SVBP: variants seen among roughly 807,000 people sequenced by gnomAD.
SVBP encodes small vasohibin binding protein.
SVBP carries 9 observed loss-of-function variants against 9.2 expected under a neutral mutation model. The observed-to-expected ratio is 0.98, with a 90% CI of 0.59 to 1.71. The LOEUF (loss-of-function observed/expected upper bound fraction) is 1.71, where lower values mean the gene tolerates loss of function less well. SVBP is among the 40% of genes most tolerant of loss of function. The pLI is 0.00. For missense variants in SVBP, 63 were observed against 73.2 expected (o/e 0.86, Z 0.51); for synonymous variants, 27 against 23.9 (o/e 1.13, Z -0.37).
intron 2 of SVBP, among the ~76,000 whole-genome samples, chr1:42,810,580 C>T (rs1212929674): frequency 2.6e-5 from 4 of 152,144 alleles, no homozygotes; most frequent in Non-Finnish European, 4.4e-5. Flanking sequence ...ACCTCCAGAT[C>T]AAGGAGGCAA....
At position 42,817,156 on chromosome 1, in the gene SVBP, G is replaced by A. The variant is rs1023314113; in HGVS notation, c.-37+34C>T. On this transcript the variant is annotated intron_variant, in intron 1 of 2. Transcript: ENST00000372521. Reference sequence around the variant, plus strand: ...CTCCTGGAGGAAAATGGCGGTCGCTGGAGCCGCCGACCAAGAGGCTTGGGA... The same window carrying A: ...CTCCTGGAGGAAAATGGCGGTCGCTAGAGCCGCCGACCAAGAGGCTTGGGA... 4.2e-6 allele frequency: 5 copies of A among 1,203,098 alleles called. No individual in the cohort carries two copies. The Admixed American group carries it at 8.6e-5, about 21-fold the overall frequency. 74.5% of individuals were successfully genotyped at this position (1,203,098 alleles called of 1,614,324 possible). A position where few individuals can be genotyped will look rare whatever the true frequency, so the allele number is the denominator to read the frequency against.
intron 1 of SVBP, 141 bp from the exon 2 acceptor site, chr1:42,816,721 G>A: frequency 1.8e-6 from 1 of 556,134 alleles, no homozygotes. Context: ...CGCTGGATGT[G>A]GGGGAGTAGG....
At chr1:42,813,996 G>C (rs1433521514) in intron 2 of SVBP, 1 of 182,982 alleles carries the variant, frequency 5.5e-6, no homozygotes, top group African/African-American at 2.4e-5. Flanking sequence ...TTGCTGGAAT[G>C]CAAGATCCAT....
At chr1:42,811,831 G>C (rs999336025) in intron 2 of SVBP, among the ~76,000 whole-genome samples, 1 of 152,100 alleles carries the variant, frequency 6.6e-6, no homozygotes. Context: ...TTAACCTATA[G>C]AACTTTACAG....
Position 42,807,153 on chromosome 1 carries a change from G to GT in SVBP, c.*260dup, listed in dbSNP as rs142694785. On this transcript the variant is annotated 3_prime_UTR_variant, in exon 3 of 3. Coordinates refer to ENST00000372521, the MANE Select transcript of SVBP (RefSeq NM_199342.4). The stretch of plus-strand genomic sequence containing the variant: ...AATAGAAAAAGTGTTTTTTGTGTGT[G>GT]TTTTTTTTTTTTTTTTAAAAAAACC... 62,383 of 180,446 alleles carry GT rather than the reference G, an allele frequency of 0.35. 6,899 individuals carry two copies. Among genetic ancestry groups the GT allele is most frequent in the South Asian group, 0.42 (1,867 of 4,452 alleles). 11.2% of individuals were successfully genotyped at this position (180,446 alleles called of 1,614,324 possible).
chr1:42,813,420 C>T (rs1195621513), intron 2 of SVBP: 7 of 567,028 alleles, frequency 1.2e-5, no homozygotes, highest in East Asian at 5.1e-5. Flanking sequence ...GGGGCCCAAG[C>T]GTTCCTTCAT....
chr1:42,812,181 C>G (rs1028324056), intron 2 of SVBP, among the ~76,000 whole-genome samples: 4 of 152,118 alleles, frequency 2.6e-5, no homozygotes, highest in African/African-American at 9.7e-5. Flanking sequence ...AACATGTGTC[C>G]TCTCTTACAT....
At chr1:42,815,083 C>T (rs1054295659) in intron 2 of SVBP, among the ~76,000 whole-genome samples, 2 of 151,926 alleles carry the variant, frequency 1.3e-5, no homozygotes, top group Admixed American at 1.3e-4. Flanking sequence ...ATGGATGAAG[C>T]TGGAAACCAT....
At chr1:42,811,470 C>G (rs1654083406) in intron 2 of SVBP, among the ~76,000 whole-genome samples, 1 of 152,200 alleles carries the variant, frequency 6.6e-6, no homozygotes. Flanking sequence ...ACGGGGCCAG[C>G]TGCTGCTTGA....
In SVBP at chr1:42,816,448, G is replaced by A. The variant is rs1654210925; in HGVS notation, c.97C>T (p.Gln33Ter). 6.2e-6 allele frequency: 10 copies of A among 1,612,530 alleles called. No individual in the cohort carries two copies. Among genetic ancestry groups the A allele is most frequent in the Admixed American group, 1.7e-5 (1 of 59,996 alleles). Reference sequence around the variant, plus strand: ...AATCTCACCTCTGCTCTTTGTCTCTGCTTCAGCTCCTGCTGGGCTGATTTC... The same window carrying A: ...AATCTCACCTCTGCTCTTTGTCTCTACTTCAGCTCCTGCTGGGCTGATTTC... ...KQKSAQQELK[Q>*]RQRAEIYALN... The change falls in exon 2 of 3, where the codon CAG becomes TAG. Residue 33 changes from glutamine (Q) to a stop codon, truncating the protein, a stop_gained. Transcript: ENST00000372521. LOFTEE classifies it high-confidence loss of function.
chr1:42,814,694 C>T (rs1164366573), intron 2 of SVBP, among the ~76,000 whole-genome samples: 10 of 152,010 alleles, frequency 6.6e-5, no homozygotes, highest in Admixed American at 6.5e-4. Flanking sequence ...GTTAGAATGG[C>T]GATCATTAAA....
intron 2 of SVBP, among the ~76,000 whole-genome samples, chr1:42,810,481 T>C (rs757412728): frequency 2.0e-5 from 3 of 152,096 alleles, no homozygotes; most frequent in Non-Finnish European, 2.9e-5. Flanking sequence ...AACCTCTGCT[T>C]GCTTCATTCA....
In SVBP at chr1:42,816,862, G is replaced by A; in HGVS notation, c.-36-282C>T. 2 of 257,192 alleles carry A rather than the reference G, an allele frequency of 7.8e-6. 1 individual carries two copies. The highest frequency in any genetic ancestry group is 1.5e-5 in the Non-Finnish European group (2 of 133,630). The allele number at this position is 257,192 out of a possible 1,614,324, so 15.9% of individuals were successfully genotyped here. The stretch of plus-strand genomic sequence containing the variant: ...CCTCCCTCCAGGAGCTGCTGTGTGC[G>A]GGTGAAATGCAAAGACCCCTGTGAA... On this transcript the variant is annotated intron_variant, in intron 1 of 2. Coordinates refer to ENST00000372521, the MANE Select transcript of SVBP (RefSeq NM_199342.4).
intron 2 of SVBP, among the ~76,000 whole-genome samples, chr1:42,808,006 G>T (rs1257153650): frequency 6.6e-6 from 1 of 151,508 alleles, no homozygotes; most frequent in African/African-American, 2.4e-5. Flanking sequence ...TAGAGTAGGG[G>T]TTGGGGAGCT....
intron 1 of SVBP, chr1:42,816,861 C>T: frequency 3.9e-6 from 1 of 259,026 alleles, no homozygotes; most frequent in Non-Finnish European, 7.4e-6. Context: ...CTGCTGTGTG[C>T]GGGTGAAATG....
At chr1:42,808,330 C>A (rs373118155) in intron 2 of SVBP, among the ~76,000 whole-genome samples, 2 of 144,092 alleles carry the variant, frequency 1.4e-5, no homozygotes, top group Admixed American at 7.0e-5. Context: ...TCCGCCTCAG[C>A]CTCCCAAAGT....
intron 2 of SVBP, chr1:42,813,508 C>A: frequency 1.8e-6 from 1 of 542,716 alleles, no homozygotes; most frequent in Non-Finnish European, 3.7e-6. Flanking sequence ...TGGTTTCGAT[C>A]CAATGGGTAA....
chr1:42,816,446 C>T lies in SVBP; in HGVS notation c.99G>A (p.Gln33=), dbSNP rs1262732686. 1.2e-6 allele frequency: 2 copies of T among 1,612,962 alleles called. No homozygotes were observed. Among genetic ancestry groups the T allele is most frequent in the African/African-American group, 2.7e-5 (2 of 74,890 alleles). Residue 33 remains glutamine (Q), a synonymous_variant, in exon 2 of 3, where the codon CAG becomes CAA. Transcript: ENST00000372521. ...TTAATCTCACCTCTGCTCTTTGTCT[C>T]TGCTTCAGCTCCTGCTGGGCTGATT... ...KQKSAQQELK[Q]RQRAEIYALN... is the part of the protein sequence containing the mutation.
At chr1:42,809,455 G>C (rs957867875) in intron 2 of SVBP, among the ~76,000 whole-genome samples, 1 of 152,084 alleles carries the variant, frequency 6.6e-6, no homozygotes, top group Non-Finnish European at 1.5e-5. Flanking sequence ...GCAAACCTCT[G>C]ACATGACAGA....
Sources: gnomAD v4.1 joint callset for allele counts (sites outside exome capture counted in the v4.1 genomes callset) on GRCh38, gnomAD v4.1.1 for gene constraint, MANE v1.5 for transcripts, NCBI Gene and HGNC (gene_info 2026-07-23, HGNC 2026-07-21) for gene names.